The following PALM2AKAP2 variants were observed in gnomAD, a reference collection of about 807,000 sequenced individuals.
PALM2AKAP2 encodes the protein PALM2-AKAP2 fusion protein.
Under a neutral mutation model 71.5 loss-of-function variants are expected in PALM2AKAP2, and 37 were observed. The observed-to-expected ratio is 0.52, with a 90% confidence interval of 0.40 to 0.68. The LOEUF is 0.68. Ranked by LOEUF, PALM2AKAP2 falls within the 30% of genes least tolerant of loss-of-function variation. The probability of loss-of-function intolerance (pLI) is 0.00; values close to 1 mark genes in which losing one functional copy is unlikely to be tolerated. For missense variants in PALM2AKAP2, 1,224 were observed against 1,191.8 expected (o/e 1.03, Z -0.40); for synonymous variants, 468 against 478.8 (o/e 0.98, Z 0.29).
intron 1 of PALM2AKAP2, among the ~76,000 whole-genome samples, chr9:109,860,419 A>G (rs988420169): frequency 6.6e-6 from 1 of 152,132 alleles, no homozygotes; most frequent in African/African-American, 2.4e-5. Flanking sequence ...TCAAAATGTC[A>G]CCTTATTTCT....
intron 1 of PALM2AKAP2, among the ~76,000 whole-genome samples, chr9:109,792,679 T>C (rs1466339213): frequency 6.6e-6 from 1 of 152,026 alleles, no homozygotes; most frequent in East Asian, 1.9e-4. Context: ...TTCCCAGCCA[T>C]TGGTGGGGAA....
Position 109,844,002 on chromosome 9 carries a change from A to G in PALM2AKAP2, c.46-23489A>G, listed in dbSNP as rs555445103. On this transcript the variant is annotated intron_variant, in intron 1 of 9. Coordinates refer to the PALM2AKAP2 transcript ENST00000302798. ...CTTTGGTTGGTCCTAGACAAAAACA[A>G]CGGTTTTGCAGATTTGGGTTCTCTT... 3.9e-5 allele frequency among the ~76,000 whole-genome samples: 6 copies of G among 152,266 alleles called. No homozygotes were observed. The South Asian group carries it at 1.2e-3, about 32-fold the overall frequency.
chr9:110,057,263 A>G (rs978330096), intron 1 of PALM2AKAP2, among the ~76,000 whole-genome samples: 1 of 151,282 alleles, frequency 6.6e-6, no homozygotes, highest in Non-Finnish European at 1.5e-5. Flanking sequence ...AGTCACCAGC[A>G]TTTTTCAAAT....
chr9:109,786,065 C>T (rs1826957665), intron 1 of PALM2AKAP2, among the ~76,000 whole-genome samples: 1 of 152,242 alleles, frequency 6.6e-6, no homozygotes, highest in Non-Finnish European at 1.5e-5. Context: ...ACGCTGTTGG[C>T]CTAGGCTGGC....
At chr9:109,863,027 G>A (rs1464352143) in intron 1 of PALM2AKAP2, 2 of 462,182 alleles carry the variant, frequency 4.3e-6, no homozygotes, top group African/African-American at 4.0e-5. Flanking sequence ...TGTAGGCAAT[G>A]GGGAGACATC....
intron 1 of PALM2AKAP2, among the ~76,000 whole-genome samples, chr9:109,672,038 G>A (rs1365851128): frequency 6.6e-6 from 1 of 152,140 alleles, no homozygotes; most frequent in Non-Finnish European, 1.5e-5. Context: ...ATAGGATCAT[G>A]TTGTCTGCAA....
chr9:110,139,854 T>C (rs1588132460), intron 2 of PALM2AKAP2, among the ~76,000 whole-genome samples: 1 of 152,178 alleles, frequency 6.6e-6, no homozygotes. Flanking sequence ...CTCTGATGTT[T>C]TCATATGATG....
chr9:109,989,249 C>T (rs1261012205), intron 6 of PALM2AKAP2, among the ~76,000 whole-genome samples: 3 of 152,202 alleles, frequency 2.0e-5, no homozygotes, highest in Non-Finnish European at 4.4e-5. Flanking sequence ...TCCCTTCCCA[C>T]CTTTATCTGA....
chr9:110,108,243 G>A (rs1458887064), intron 1 of PALM2AKAP2, among the ~76,000 whole-genome samples: 2 of 151,350 alleles, frequency 1.3e-5, no homozygotes, highest in Non-Finnish European at 2.9e-5. Context: ...CTCCTGAGTA[G>A]CTGGGATTAA....
chr9:110,013,538 T>C (rs1832921311), intron 6 of PALM2AKAP2, among the ~76,000 whole-genome samples: 1 of 152,218 alleles, frequency 6.6e-6, no homozygotes, highest in Non-Finnish European at 1.5e-5. Flanking sequence ...GCATTTAAGA[T>C]AAAGCTGACA....
chr9:110,172,148 AG>A (rs1210003717), exon 4 of PALM2AKAP2: 2 of 152,636 alleles, frequency 1.3e-5, no homozygotes, highest in Non-Finnish European at 2.9e-5. Context: ...TCCCAACTAA[AG>A]AATGGATTTA....
intron 5 of PALM2AKAP2, among the ~76,000 whole-genome samples, chr9:109,929,855 C>A (rs1274459352): frequency 1.7e-5 from 2 of 114,404 alleles, no homozygotes; most frequent in Non-Finnish European, 3.3e-5. Context: ...CAGAGTGAGA[C>A]TCCATTTCAA....
At chr9:109,934,181 T>G (rs1401107903) in intron 6 of PALM2AKAP2, among the ~76,000 whole-genome samples, 3 of 152,198 alleles carry the variant, frequency 2.0e-5, no homozygotes, top group Admixed American at 6.5e-5. Flanking sequence ...ATCCTTAACA[T>G]AGCAGCCCTG....
intron 1 of PALM2AKAP2, among the ~76,000 whole-genome samples, chr9:110,130,805 C>T (rs926730988): frequency 3.9e-5 from 6 of 152,194 alleles, no homozygotes; most frequent in Non-Finnish European, 5.9e-5. Context: ...CCAAAGGGTT[C>T]GCTCTATTGG....
intron 1 of PALM2AKAP2, among the ~76,000 whole-genome samples, chr9:109,845,699 TACTC>T (rs1372116745): frequency 3.3e-5 from 5 of 152,346 alleles, no homozygotes; most frequent in South Asian, 2.1e-4. Context: ...TGTGTGTGTT[TACTC>T]ACTCATTCAT....
At chr9:109,672,652 T>A (rs1214953316) in intron 1 of PALM2AKAP2, among the ~76,000 whole-genome samples, 4 of 152,062 alleles carry the variant, frequency 2.6e-5, no homozygotes, top group Non-Finnish European at 5.9e-5. Flanking sequence ...CTCCTGCTCA[T>A]TTTTTGGGAA....
chr9:109,743,601 A>G (rs1271197515), intron 1 of PALM2AKAP2, among the ~76,000 whole-genome samples: 1 of 152,226 alleles, frequency 6.6e-6, no homozygotes, highest in African/African-American at 2.4e-5. Flanking sequence ...GGAATCAGTG[A>G]AAAAATTGTT....
chr9:110,066,955 C>T (rs1353890840), intron 1 of PALM2AKAP2, among the ~76,000 whole-genome samples: 1 of 152,026 alleles, frequency 6.6e-6, no homozygotes, highest in Non-Finnish European at 1.5e-5. Flanking sequence ...AAGAAGTATT[C>T]AGTTCTAGAG....
chr9:109,982,118 T>C (rs1832282387), intron 6 of PALM2AKAP2, among the ~76,000 whole-genome samples: 1 of 152,148 alleles, frequency 6.6e-6, no homozygotes, highest in Non-Finnish European at 1.5e-5. Context: ...TATTCAGCCA[T>C]AAAAAAGAAT....
Sources: allele counts gnomAD v4.1 joint callset (sites outside exome capture counted in the v4.1 genomes callset), GRCh38; gene constraint gnomAD v4.1.1; transcripts MANE v1.5; gene names NCBI Gene and HGNC (gene_info 2026-07-23, HGNC 2026-07-21).